ERBB4: variants seen among roughly 807,000 people sequenced by gnomAD.
ERBB4 encodes the protein receptor tyrosine-protein kinase erbB-4.
ERBB4 carries 42 observed loss-of-function variants against 158.0 expected under a neutral mutation model. The observed-to-expected ratio is 0.27, with a 90% CI of 0.21 to 0.34. The LOEUF (loss-of-function observed/expected upper bound fraction) is 0.34, where lower values mean the gene tolerates loss of function less well. Ranked by LOEUF, ERBB4 falls within the 10% of genes least tolerant of loss-of-function variation. The pLI is 1.00. For synonymous variants in ERBB4, 583 were observed against 558.7 expected, an observed-to-expected ratio of 1.04 and a Z score of -0.61; for missense variants, 1,333 against 1,624.1, an observed-to-expected ratio of 0.82 and a Z score of 3.08.
intron 1 of ERBB4, among the ~76,000 whole-genome samples, chr2:212,308,793 T>G (rs2086910006): frequency 6.6e-6 from 1 of 150,986 alleles, no homozygotes; most frequent in Non-Finnish European, 1.5e-5. Flanking sequence ...AGGCTTAACA[T>G]TCTATAATTT....
chr2:211,698,954 G>C (rs1378450703), intron 12 of ERBB4, among the ~76,000 whole-genome samples: 1 of 152,140 alleles, frequency 6.6e-6, no homozygotes, highest in Admixed American at 6.5e-5. Flanking sequence ...AAACCATAAA[G>C]TCAGCTTTGA....
intron 1 of ERBB4, among the ~76,000 whole-genome samples, chr2:212,168,511 T>C (rs138434783): frequency 6.6e-6 from 1 of 152,138 alleles, no homozygotes; most frequent in Non-Finnish European, 1.5e-5. Context: ...GAGAAAGACA[T>C]ACATTTCATA....
At position 212,326,656 on chromosome 2, in the gene ERBB4, T is replaced by C. The variant is rs886241882; in HGVS notation, c.83-201753A>G. Among the ~76,000 whole-genome samples the C allele has an allele frequency of 2.3e-4, 35 of 150,818 alleles. 1 individual carries two copies. Among genetic ancestry groups the C allele is most frequent in the African/African-American group, 8.4e-4 (35 of 41,428 alleles). The stretch of plus-strand genomic sequence containing the variant: ...ATAGACGCCCTCAGTCCCTAATGCA[T>C]AACCCTTTTTACCAACCAGGGCTTT... On this transcript the variant is annotated intron_variant, in intron 1 of 27. Transcript: ENST00000342788.
At chr2:212,086,764 T>C (rs1249757325) in intron 2 of ERBB4, among the ~76,000 whole-genome samples, 1 of 152,072 alleles carries the variant, frequency 6.6e-6, no homozygotes, top group Non-Finnish European at 1.5e-5. Context: ...GGCTTCCCCT[T>C]ATCTTCCAAA....
chr2:212,518,421 A>G lies in ERBB4; in HGVS notation c.82+20028T>C, dbSNP rs1270895820. Among the ~76,000 whole-genome samples, 7 of 152,172 alleles carry G rather than the reference A, an allele frequency of 4.6e-5. No homozygotes were observed. In the East Asian group the frequency reaches 1.2e-3, roughly 25 times the overall value. On this transcript the variant is annotated intron_variant, in intron 1 of 27. Coordinates refer to ENST00000342788, the MANE Select transcript of ERBB4 (RefSeq NM_005235.3). Reference sequence around the variant, plus strand: ...TTAATCTCAAAATTTCCCAAGACCCATTTAAAAACCTTGGGAGATAACTGA... The same window carrying G: ...TTAATCTCAAAATTTCCCAAGACCCGTTTAAAAACCTTGGGAGATAACTGA...
intron 1 of ERBB4, among the ~76,000 whole-genome samples, chr2:212,268,004 C>T (rs947551692): frequency 6.6e-6 from 1 of 151,772 alleles, no homozygotes; most frequent in African/African-American, 2.4e-5. Context: ...GTGCTATGCC[C>T]AATACAGAAC....
chr2:211,801,015 C>G (rs559168770), intron 3 of ERBB4, among the ~76,000 whole-genome samples: 81 of 152,210 alleles, frequency 5.3e-4, no homozygotes, highest in African/African-American at 1.9e-3. Context: ...TGCTTTATAG[C>G]TGTATTTCTA....
intron 20 of ERBB4, among the ~76,000 whole-genome samples, chr2:211,433,684 C>A (rs2063792018): frequency 6.6e-6 from 1 of 152,192 alleles, no homozygotes; most frequent in Non-Finnish European, 1.5e-5. Context: ...ATCAATGTAG[C>A]TGAAGGCAGG....
At chr2:211,949,474 T>A (rs2080813065) in intron 2 of ERBB4, among the ~76,000 whole-genome samples, 1 of 152,216 alleles carries the variant, frequency 6.6e-6, no homozygotes, top group Admixed American at 6.6e-5. Context: ...GAAGATTATA[T>A]GATGAAATGA....
intron 1 of ERBB4, among the ~76,000 whole-genome samples, chr2:212,533,028 G>A (rs1692840449): frequency 6.6e-6 from 1 of 151,954 alleles, no homozygotes; most frequent in Non-Finnish European, 1.5e-5. Context: ...TTACAGAATT[G>A]GAAAATACGG....
chr2:211,802,246 G>T (rs750690095), intron 3 of ERBB4, among the ~76,000 whole-genome samples: 22 of 142,470 alleles, frequency 1.5e-4, no homozygotes, highest in Non-Finnish European at 2.6e-4. Context: ...GCGAAAGAGC[G>T]AGACTCAGTC....
At chr2:211,889,582 A>G (rs2078908758) in intron 3 of ERBB4, among the ~76,000 whole-genome samples, 1 of 151,698 alleles carries the variant, frequency 6.6e-6, no homozygotes, top group African/African-American at 2.4e-5. Context: ...CTGAGAGAAG[A>G]AGGCTTCAGA....
chr2:211,928,843 A>T (rs1272819176), intron 3 of ERBB4, among the ~76,000 whole-genome samples: 3 of 152,196 alleles, frequency 2.0e-5, no homozygotes, highest in African/African-American at 7.2e-5. Context: ...ATAGTTTTGC[A>T]GAATACTTTG....
At chr2:212,065,394 C>T (rs2077913393) in intron 2 of ERBB4, among the ~76,000 whole-genome samples, 1 of 151,742 alleles carries the variant, frequency 6.6e-6, no homozygotes, top group African/African-American at 2.4e-5. Context: ...TGGCTCAACT[C>T]AATAGAAATG....
In ERBB4 at chr2:211,478,828, G is replaced by A. The variant is rs192834840; in HGVS notation, c.2488-47728C>T. On this transcript the variant is annotated intron_variant, in intron 20 of 27. Transcript: ENST00000342788. ...TAATGGTAACATCCTTTTTTCTTCA[G>A]AAACAAAACCAATTCCAGGAAAAAA... is the stretch of plus-strand genomic sequence containing the variant. Among the ~76,000 whole-genome samples the A allele has an allele frequency of 3.5e-3, 538 of 151,796 alleles. 5 individuals carry two copies. The highest frequency in any genetic ancestry group is 0.013 in the African/African-American group (520 of 41,406).
At chr2:211,493,727 T>G (rs1356836677) in intron 20 of ERBB4, among the ~76,000 whole-genome samples, 1 of 152,102 alleles carries the variant, frequency 6.6e-6, no homozygotes, top group Non-Finnish European at 1.5e-5. Flanking sequence ...AAACAATCAC[T>G]TTTCAGAGAA....
intron 20 of ERBB4, among the ~76,000 whole-genome samples, chr2:211,506,356 G>A (rs1188347719): frequency 6.6e-6 from 1 of 152,042 alleles, no homozygotes; most frequent in Non-Finnish European, 1.5e-5. Flanking sequence ...GGTCATGGAG[G>A]CAGAAAGTTA....
intron 20 of ERBB4, among the ~76,000 whole-genome samples, chr2:211,433,242 T>C (rs2063780843): frequency 6.6e-6 from 1 of 152,232 alleles, no homozygotes; most frequent in Non-Finnish European, 1.5e-5. Flanking sequence ...CTTAGACTTT[T>C]GCATTTCATG....
chr2:212,374,047 T>TATATATATATCCATATATATCC lies in ERBB4; in HGVS notation c.82+164380_82+164401dup, dbSNP rs1560148083. Among the ~76,000 whole-genome samples the TATATATATATCCATATATATCC allele has an allele frequency of 2.3e-3, 245 of 106,234 alleles. 3 individuals carry two copies. The highest frequency in any genetic ancestry group is 6.0e-3 in the Middle Eastern group (1 of 166). The allele number at this position is 106,234 out of a possible 152,430, so 69.7% of individuals were successfully genotyped here. A position where few individuals can be genotyped will look rare whatever the true frequency, so the allele number is the denominator to read the frequency against. ...ATATATATATATCCATATATATCCA[T>TATATATATATCCATATATATCC]ATATATATATCCATATATATCCATA... On this transcript the variant is annotated intron_variant, in intron 1 of 27. Coordinates refer to ENST00000342788, the MANE Select transcript of ERBB4 (RefSeq NM_005235.3).
Sources: gnomAD v4.1 joint callset for allele counts (sites outside exome capture counted in the v4.1 genomes callset) on GRCh38, gnomAD v4.1.1 for gene constraint, MANE v1.5 for transcripts, NCBI Gene and HGNC (gene_info 2026-07-23, HGNC 2026-07-21) for gene names.